Variants in PBX3 observed in about 807,000 individuals in gnomAD.
PBX3 encodes the protein PBX homeobox 3.
A neutral mutation model predicts 48.5 loss-of-function variants in PBX3; 14 were observed. The ratio of observed to expected loss-of-function variants is 0.29; its 90% CI spans 0.19 to 0.45. PBX3 has a LOEUF of 0.45. Among genes scored for constraint, PBX3 ranks in the 20% least tolerant of loss-of-function variants. PBX3 has a pLI of 1.00. For missense variants in PBX3, 386 were observed against 546.7 expected (o/e 0.71, Z 2.93); for synonymous variants, 210 against 200.3 (o/e 1.05, Z -0.41).
chr9:125,813,339 G>A (rs899102751), intron 2 of PBX3, among the ~76,000 whole-genome samples: 4 of 152,000 alleles, frequency 2.6e-5, no homozygotes, highest in African/African-American at 7.2e-5. Context: ...GTAGGGTCAT[G>A]ATCATCAAAA....
At chr9:125,840,778 T>G (rs531117415) in intron 2 of PBX3, among the ~76,000 whole-genome samples, 2 of 152,174 alleles carry the variant, frequency 1.3e-5, no homozygotes, top group African/African-American at 4.8e-5. Flanking sequence ...GAGTTATTTC[T>G]TCTTTCTTCT....
chr9:125,789,795 T>C (rs1837550311), intron 2 of PBX3, among the ~76,000 whole-genome samples: 1 of 152,182 alleles, frequency 6.6e-6, no homozygotes, highest in South Asian at 2.1e-4. Context: ...ATTTAATAGA[T>C]ATTATGAAAT....
intron 2 of PBX3, among the ~76,000 whole-genome samples, chr9:125,851,854 C>G (rs1408790170): frequency 1.4e-5 from 2 of 139,120 alleles, no homozygotes; most frequent in African/African-American, 5.3e-5. Context: ...TTAGAGAATT[C>G]AAAAAATTTT....
chr9:125,894,302 C>T (rs569899080), intron 2 of PBX3, among the ~76,000 whole-genome samples: 15 of 152,050 alleles, frequency 9.9e-5, no homozygotes, highest in African/African-American at 2.9e-4. Flanking sequence ...CTGTTGTTTT[C>T]GACAGTAAAT....
At chr9:125,752,207 G>C (rs1257524729) in intron 2 of PBX3, among the ~76,000 whole-genome samples, 14 of 152,112 alleles carry the variant, frequency 9.2e-5, no homozygotes, top group Admixed American at 9.2e-4. Context: ...CATACATGAT[G>C]GTTTGCCAGA....
chr9:125,858,526 A>G (rs1424687663), intron 2 of PBX3, among the ~76,000 whole-genome samples: 2 of 152,066 alleles, frequency 1.3e-5, no homozygotes, highest in African/African-American at 4.8e-5. Context: ...GGAATCAGTG[A>G]ATTTAAATGA....
chr9:125,933,462 A>G (rs1400923966), intron 4 of PBX3, among the ~76,000 whole-genome samples: 4 of 152,150 alleles, frequency 2.6e-5, no homozygotes, highest in African/African-American at 7.2e-5. Flanking sequence ...TGTGAGCCAA[A>G]CTTCTCTTTG....
At chr9:125,860,899 A>G (rs1839847800) in intron 2 of PBX3, among the ~76,000 whole-genome samples, 1 of 151,796 alleles carries the variant, frequency 6.6e-6, no homozygotes, top group Non-Finnish European at 1.5e-5. Context: ...AAAAAAAAAA[A>G]AAAAAAGATA....
At chr9:125,945,312 C>T (rs1842043549) in intron 5 of PBX3, among the ~76,000 whole-genome samples, 2 of 152,062 alleles carry the variant, frequency 1.3e-5, no homozygotes, top group Admixed American at 6.6e-5. Flanking sequence ...TAGCAGAGTG[C>T]CTATCACAGA....
At chr9:125,844,830 A>G (rs1388750955) in intron 2 of PBX3, 2 of 152,098 alleles carry the variant, frequency 1.3e-5, no homozygotes. Context: ...TCAAAGGCTG[A>G]ACTTTTCTTA....
intron 5 of PBX3, among the ~76,000 whole-genome samples, chr9:125,947,036 G>C (rs1324979504): frequency 6.6e-6 from 1 of 152,138 alleles, no homozygotes; most frequent in African/African-American, 2.4e-5. Flanking sequence ...TATCTTTAAA[G>C]TGATGAATCA....
At chr9:125,751,576 C>G (rs910000521) in intron 2 of PBX3, among the ~76,000 whole-genome samples, 1 of 152,066 alleles carries the variant, frequency 6.6e-6, no homozygotes, top group African/African-American at 2.4e-5. Context: ...TATATTCTTT[C>G]GTAAAATTGA....
chr9:125,815,027 C>G (rs534898472), intron 2 of PBX3, among the ~76,000 whole-genome samples: 11 of 152,262 alleles, frequency 7.2e-5, no homozygotes, highest in African/African-American at 2.6e-4. Context: ...TTTCTCAGTT[C>G]CATTTCTTTT....
At chr9:125,953,478 A>AG (rs1016489536) in intron 5 of PBX3, among the ~76,000 whole-genome samples, 1 of 149,766 alleles carries the variant, frequency 6.7e-6, no homozygotes, top group Non-Finnish European at 1.5e-5. Context: ...CCCTGTCTCA[A>AG]AAAAAAAAAA....
intron 2 of PBX3, among the ~76,000 whole-genome samples, chr9:125,805,170 T>A (rs1313082065): frequency 2.1e-5 from 3 of 145,742 alleles, no homozygotes; most frequent in African/African-American, 5.0e-5. Context: ...GGAGCAGGCT[T>A]AAAAAAAAAA....
intron 2 of PBX3, among the ~76,000 whole-genome samples, chr9:125,796,423 A>G (rs1412945886): frequency 1.3e-5 from 2 of 152,178 alleles, no homozygotes; most frequent in Non-Finnish European, 2.9e-5. Context: ...TTCTCCACCA[A>G]TTGATGGGAC....
intron 2 of PBX3, among the ~76,000 whole-genome samples, chr9:125,830,712 A>G (rs900589408): frequency 6.6e-5 from 10 of 152,194 alleles, no homozygotes; most frequent in African/African-American, 2.2e-4. Context: ...TTCAAACTTA[A>G]TAAATGGAGG....
At chr9:125,791,341 A>G (rs531693471) in intron 2 of PBX3, among the ~76,000 whole-genome samples, 5 of 149,640 alleles carry the variant, frequency 3.3e-5, no homozygotes, top group African/African-American at 9.9e-5. Context: ...CTATCTATCT[A>G]TCTATCTCTG....
chr9:125,876,261 A>G (rs1375420022), intron 2 of PBX3, among the ~76,000 whole-genome samples: 1 of 152,246 alleles, frequency 6.6e-6, no homozygotes, highest in Non-Finnish European at 1.5e-5. Context: ...GAATGGAATT[A>G]AAGAATATAA....
Sources: allele counts gnomAD v4.1 joint callset (sites outside exome capture counted in the v4.1 genomes callset), GRCh38; gene constraint gnomAD v4.1.1; transcripts MANE v1.5; gene names NCBI Gene and HGNC (gene_info 2026-07-23, HGNC 2026-07-21).